Variants in TYK2 observed in about 807,000 individuals in gnomAD.
The protein encoded by TYK2 is tyrosine kinase 2.
In TYK2, 65 loss-of-function variants were observed where a neutral mutation model predicts 130.9. The observed-to-expected ratio is 0.50, with a 90% CI of 0.41 to 0.61. TYK2 has a LOEUF of 0.61. TYK2 is among the 20% of genes least tolerant of loss of function. The pLI is 0.00. For missense variants in TYK2, 1,378 were observed against 1,610.7 expected (o/e 0.86, Z 2.47); for synonymous variants, 647 against 658.9 (o/e 0.98, Z 0.28).
intron 3 of TYK2, among the ~76,000 whole-genome samples, chr19:10,374,882 CAA>C (rs769628463): frequency 9.3e-5 from 11 of 118,686 alleles, no homozygotes; most frequent in Non-Finnish European, 1.1e-4. Context: ...GACTTCGTTT[CAA>C]AAAAAAAAAA....
chr19:10,369,765 C>T (rs938590598), intron 3 of TYK2: 23 of 453,274 alleles, frequency 5.1e-5, no homozygotes, highest in Non-Finnish European at 7.9e-5. Flanking sequence ...ACCTGTCGGC[C>T]GGGCGCAGTG....
intron 3 of TYK2, among the ~76,000 whole-genome samples, chr19:10,375,925 AAAAAAAAG>A (rs1391499194): frequency 6.6e-6 from 1 of 151,512 alleles, no homozygotes; most frequent in Admixed American, 6.6e-5. Flanking sequence ...ACTCCATCTC[AAAAAAAAG>A]AAAAAAAGAA....
intron 3 of TYK2, among the ~76,000 whole-genome samples, chr19:10,371,307 T>G (rs1044555327): frequency 6.6e-6 from 1 of 151,582 alleles, no homozygotes; most frequent in South Asian, 2.1e-4. Flanking sequence ...CCTGAAGTAG[T>G]GTTTATAATT....
chr19:10,378,411 C>A lies in TYK2; in HGVS notation c.-5G>T. On this transcript the variant is annotated 5_prime_UTR_variant, in exon 3 of 25. Coordinates refer to ENST00000525621, the MANE Select transcript of TYK2 (RefSeq NM_003331.5). ...CCCCCAGTGGCGCAGAGGCATGCTC[C>A]CGGCAGGTGGCTCAGCTGGAAAGGG... is the stretch of plus-strand genomic sequence containing the variant. The A allele has an allele frequency of 6.2e-7, 1 of 1,608,418 alleles. No homozygotes were observed. Among genetic ancestry groups the A allele is most frequent in the East Asian group, 2.2e-5 (1 of 44,870 alleles).
At chr19:10,368,498 G>A (rs2145277361) in intron 3 of TYK2, 80 bp from the exon 4 acceptor site, 1 of 1,601,830 alleles carries the variant, frequency 6.2e-7, no homozygotes, top group Non-Finnish European at 8.5e-7. Context: ...CCCAATGTCT[G>A]CCTTCACACT....
At chr19:10,365,431 C>A (rs908687392) in intron 7 of TYK2, 86 bp downstream of exon 7, 19 of 1,596,162 alleles carry the variant, frequency 1.2e-5, no homozygotes, top group Non-Finnish European at 1.6e-5. Context: ...AGGTCAGCCA[C>A]CCTCAGAGGC....
chr19:10,357,238 A>G (rs534526052), intron 17 of TYK2: 181 of 503,234 alleles, frequency 3.6e-4, no homozygotes, highest in Non-Finnish European at 5.7e-4. Flanking sequence ...AAAATACAAA[A>G]ATTAGCCGGG....
chr19:10,359,190 G>GC lies in TYK2; in HGVS notation c.2159dup (p.Ser720ArgfsTer15). 6.2e-7 allele frequency: 1 copy of GC among 1,603,918 alleles called. No individual in the cohort carries two copies. The highest frequency in any genetic ancestry group is 2.2e-5 in the East Asian group (1 of 44,848). On this transcript the variant is annotated frameshift_variant, in exon 15 of 25. Transcript: ENST00000525621. LOFTEE classifies it high-confidence loss of function. ...GGCCACACACCAGGTAGCTGAGGGC[G>GC]CTGGCCAGCTGCTGGGCCACCACCA...
At chr19:10,378,473 C>G (rs2042250773) in intron 2 of TYK2, 47 bp from the exon 3 acceptor site, 1 of 1,503,530 alleles carries the variant, frequency 6.7e-7, no homozygotes, top group Non-Finnish European at 9.1e-7. Flanking sequence ...GCCCAGAGAC[C>G]CCTGTTAGCT....
rs2041553043 is a variant in TYK2, at chr19:10,364,465, G to A, written c.1367+149C>T. ...GGAGGCGGAGGCTGCAGTGAGCTGA[G>A]ATCATGCCACTGCACTCCAGTTTGG... On this transcript the variant is annotated intron_variant, in intron 9 of 24. Transcript: ENST00000525621. The surrounding 1 kb of genome is among the most constrained non-coding windows in gnomAD (Gnocchi z 4.9). The A allele has an allele frequency of 5.7e-6, 5 of 884,050 alleles. No individual in the cohort carries two copies. The highest frequency in any genetic ancestry group is 5.2e-6 in the Non-Finnish European group (3 of 576,314). 54.8% of individuals were successfully genotyped at this position (884,050 alleles called of 1,614,324 possible).
In TYK2 at chr19:10,353,561, G is replaced by A; in HGVS notation, c.2994C>T (p.Ala998=). The change falls in exon 21 of 25, where the codon GCC becomes GCT. Residue 998 remains alanine (A), a synonymous_variant. Transcript: ENST00000525621. This position sits in a 1 kb window ranked among gnomAD's most constrained non-coding sequence, Gnocchi z 6.9. ...DYLPRHSIGL[A]QLLLFAQQIC... ...TCTGCTGGGCGAAGAGCAGCAGCTG[G>A]GCCAGCCCGATGCTGTGCCGGGGCA... 1 of 1,499,734 alleles carries A rather than the reference G, an allele frequency of 6.7e-7. No homozygotes were observed. The highest frequency in any genetic ancestry group is 2.2e-5 in the Admixed American group (1 of 46,096). The allele number at this position is 1,499,734 out of a possible 1,614,324, so 92.9% of individuals were successfully genotyped here.
chr19:10,355,771 G>A (rs1389568517), intron 18 of TYK2, among the ~76,000 whole-genome samples: 1 of 147,698 alleles, frequency 6.8e-6, no homozygotes, highest in East Asian at 2.1e-4. Flanking sequence ...AGACCATCCT[G>A]GCCAACATGG....
At chr19:10,374,824 A>C (rs1024945244) in intron 3 of TYK2, among the ~76,000 whole-genome samples, 2 of 151,806 alleles carry the variant, frequency 1.3e-5, no homozygotes, top group Non-Finnish European at 2.9e-5. Flanking sequence ...CGGAGGTTGC[A>C]GTGAGCCAAG....
At position 10,353,282 on chromosome 19, in the gene TYK2, G is replaced by A. The variant is rs934665486; in HGVS notation, c.3028-184C>T. The stretch of plus-strand genomic sequence containing the variant: ...GGAGGCTGAGCCAGAAAGCAGGGAC[G>A]GGGCTAGACGAGCAAAGCTGGGCAG... On this transcript the variant is annotated intron_variant, in intron 21 of 24. Coordinates refer to ENST00000525621, the MANE Select transcript of TYK2 (RefSeq NM_003331.5). The surrounding 1 kb of genome is among the most constrained non-coding windows in gnomAD (Gnocchi z 6.9). 1.7e-6 allele frequency: 1 copy of A among 591,102 alleles called. No homozygotes were observed. Among genetic ancestry groups the A allele is most frequent in the East Asian group, 3.0e-5 (1 of 32,954 alleles). 36.6% of individuals were successfully genotyped at this position (591,102 alleles called of 1,614,324 possible).
Position 10,364,659 on chromosome 19 carries a change from G to A in TYK2, c.1322C>T (p.Pro441Leu), listed in dbSNP as rs770604675. The change falls in exon 9 of 25, where the codon CCA (proline) becomes CTA (leucine). Residue 441 changes from proline (P) to leucine (L), a missense_variant. Pro to Leu is a moderately conservative substitution (Grantham distance 98). Transcript: ENST00000525621. This position sits in a 1 kb window ranked among gnomAD's most constrained non-coding sequence, Gnocchi z 4.9. ...ATCCCGGATGCTCATCACCAGCCGT[G>A]GGGGAGCCACCTCGTGGCACAGGTA... ...SHYLCHEVAPPRLVMSIRDGI... is the reference protein window; with the variant it reads ...SHYLCHEVAPLRLVMSIRDGI... 3 of 1,613,786 alleles carry A rather than the reference G, an allele frequency of 1.9e-6. No individual in the cohort carries two copies. Among genetic ancestry groups the A allele is most frequent in the South Asian group, 1.1e-5 (1 of 91,088 alleles).
At chr19:10,370,226 G>T (rs1459747538) in intron 3 of TYK2, among the ~76,000 whole-genome samples, 1 of 151,874 alleles carries the variant, frequency 6.6e-6, no homozygotes, top group Non-Finnish European at 1.5e-5. Flanking sequence ...GGACCTGGTG[G>T]CATGTGCCTG....
chr19:10,361,698 A>C lies in TYK2; in HGVS notation c.1959+72T>G, dbSNP rs1599343513. On this transcript the variant is annotated intron_variant, in intron 13 of 24. Transcript: ENST00000525621. The surrounding 1 kb of genome is among the most constrained non-coding windows in gnomAD (Gnocchi z 4.0). ...CCCATCCCACCTCCTCCACAGACAC[A>C]CCCCTCCCATCCCACCTCCTCCGGC... The C allele has an allele frequency of 1.3e-6, 2 of 1,525,584 alleles. No individual in the cohort carries two copies. The highest frequency in any genetic ancestry group is 8.9e-7 in the Non-Finnish European group (1 of 1,125,048). The allele number at this position is 1,525,584 out of a possible 1,614,324, so 94.5% of individuals were successfully genotyped here.
rs761506905 is a variant in TYK2, at chr19:10,364,857, CTTG to C, written c.1200_1202del (p.Asn400del). 9.9e-6 allele frequency: 16 copies of C among 1,614,128 alleles called. No individual in the cohort carries two copies. Among genetic ancestry groups the C allele is most frequent in the Non-Finnish European group, 1.4e-5 (16 of 1,180,048 alleles). ...CCCCTACCCTGGGCCTCACCAGGCACTTGTTGTCCTGCCGGTGGATGCTGACAC... is the reference window on the plus strand; with the variant it reads ...CCCCTACCCTGGGCCTCACCAGGCACTTGTCCTGCCGGTGGATGCTGACAC... On this transcript the variant is annotated inframe_deletion, in exon 8 of 25. Transcript: ENST00000525621. The surrounding 1 kb of genome is among the most constrained non-coding windows in gnomAD (Gnocchi z 4.9).
At chr19:10,380,195 G>A (rs904862415) in intron 1 of TYK2, among the ~76,000 whole-genome samples, 185 bp downstream of exon 1, 13 of 152,224 alleles carry the variant, frequency 8.5e-5, no homozygotes, top group African/African-American at 1.2e-4. Context: ...ATGAGATCCC[G>A]GGGATGGGGC....
Sources: gnomAD v4.1 joint callset for allele counts (sites outside exome capture counted in the v4.1 genomes callset) on GRCh38, gnomAD v4.1.1 for gene constraint, Gnocchi (gnomAD v3.1) non-coding constraint, MANE v1.5 for transcripts, NCBI Gene and HGNC (gene_info 2026-07-23, HGNC 2026-07-21) for gene names.